NXN: variants seen among roughly 807,000 people sequenced by gnomAD.
The protein encoded by NXN is nucleoredoxin 1.
In NXN, 16 loss-of-function variants were observed where a neutral mutation model predicts 48.6. That is an observed-to-expected ratio of 0.33 (90% confidence interval 0.22 to 0.50). NXN has a LOEUF of 0.50. Among genes scored for constraint, NXN ranks in the 20% least tolerant of loss-of-function variants. NXN has a pLI of 0.98. For missense variants in NXN, 492 were observed against 605.5 expected, an observed-to-expected ratio of 0.81 and a Z score of 1.97; for synonymous variants, 281 against 269.6, an observed-to-expected ratio of 1.04 and a Z score of -0.41.
intron 1 of NXN, among the ~76,000 whole-genome samples, chr17:866,604 G>A (rs2068098076): frequency 6.6e-6 from 1 of 152,102 alleles, no homozygotes; most frequent in Non-Finnish European, 1.5e-5. Flanking sequence ...GAGAGGATAG[G>A]TGAGGAGTTG....
rs557700373 is a variant in NXN, at chr17:950,828, C to T, written c.360+28491G>A. Reference sequence around the variant, plus strand: ...CAGGGGAAAGAGTCGGACGAAATGGCGAAGTGTTTGGCACAAAGAAGACCA... The same window carrying T: ...CAGGGGAAAGAGTCGGACGAAATGGTGAAGTGTTTGGCACAAAGAAGACCA... On this transcript the variant is annotated intron_variant, in intron 1 of 7. Transcript: ENST00000336868. Among the ~76,000 whole-genome samples the T allele has an allele frequency of 1.1e-4, 17 of 151,742 alleles. No individual in the cohort carries two copies. The South Asian group carries it at 2.1e-3, about 19-fold the overall frequency.
intron 1 of NXN, among the ~76,000 whole-genome samples, chr17:843,044 GA>G (rs1293774432): frequency 1.1e-3 from 149 of 134,940 alleles, no homozygotes; most frequent in East Asian, 6.5e-3. Context: ...AAGAAAGAAA[GA>G]AAGAAAGAAA....
At chr17:857,593 ATTTG>A (rs2067999421) in intron 1 of NXN, among the ~76,000 whole-genome samples, 2 of 152,276 alleles carry the variant, frequency 1.3e-5, no homozygotes, top group African/African-American at 2.4e-5. Context: ...GAAGTTAAGG[ATTTG>A]TTTAAGACAT....
At chr17:857,183 G>A (rs978495096) in intron 1 of NXN, among the ~76,000 whole-genome samples, 2 of 152,158 alleles carry the variant, frequency 1.3e-5, no homozygotes, top group Non-Finnish European at 2.9e-5. Flanking sequence ...GTCTGGTGAG[G>A]GCATGATCCT....
chr17:884,922 A>G (rs1202915904), intron 1 of NXN, among the ~76,000 whole-genome samples: 1 of 152,186 alleles, frequency 6.6e-6, no homozygotes. Context: ...GCTTTCCCCC[A>G]AAACAAACAC....
At chr17:803,618 A>G in intron 7 of NXN, 64 bp downstream of exon 7, 1 of 1,606,880 alleles carries the variant, frequency 6.2e-7, no homozygotes, top group Non-Finnish European at 8.5e-7. Context: ...TGGGGCCAGG[A>G]TCAGTCCTGT....
At chr17:975,002 T>G (rs2069441759) in intron 1 of NXN, among the ~76,000 whole-genome samples, 1 of 151,984 alleles carries the variant, frequency 6.6e-6, no homozygotes, top group African/African-American at 2.4e-5. Flanking sequence ...AATTGTTATT[T>G]TTTGCAAAGA....
rs1913399116 is a variant in NXN at position 830,541 on chromosome 17, T to G, written c.361-4463A>C. On this transcript the variant is annotated intron_variant, in intron 1 of 7. Transcript: ENST00000336868. This position sits in a 1 kb window ranked among gnomAD's most constrained non-coding sequence, Gnocchi z 4.2. ...AGGCCACCTGAGGCCCAAGAGCCCG[T>G]GTGGAGGCTGACTGCGAAAGTCTGA... 6.6e-6 allele frequency among the ~76,000 whole-genome samples: 1 copy of G among 151,942 alleles called. No individual in the cohort carries two copies. Among genetic ancestry groups the G allele is most frequent in the Admixed American group, 6.6e-5 (1 of 15,258 alleles).
At chr17:906,305 G>T (rs368953322) in intron 1 of NXN, among the ~76,000 whole-genome samples, 87 of 151,916 alleles carry the variant, frequency 5.7e-4, no homozygotes, top group African/African-American at 2.0e-3. Context: ...TCTAAACTGT[G>T]TATTTTTGAA....
intron 1 of NXN, among the ~76,000 whole-genome samples, chr17:954,318 T>C (rs533735425): frequency 1.3e-5 from 2 of 152,008 alleles, no homozygotes; most frequent in Admixed American, 6.5e-5. Context: ...AAGGTGGAGG[T>C]TGCAGTGAGC....
chr17:822,257 A>G, intron 4 of NXN, 100 bp downstream of exon 4: 1 of 803,794 alleles, frequency 1.2e-6, no homozygotes, highest in Non-Finnish European at 2.0e-6. Flanking sequence ...CCAGCCTGGG[A>G]GACAAGAGCA....
intron 1 of NXN, among the ~76,000 whole-genome samples, chr17:965,963 A>C (rs992705403): frequency 1.3e-5 from 2 of 151,378 alleles, no homozygotes; most frequent in African/African-American, 4.9e-5. Flanking sequence ...AAAAATACAA[A>C]CAATTAGCTG....
At chr17:903,275 G>T (rs986654631) in intron 1 of NXN, among the ~76,000 whole-genome samples, 6 of 150,252 alleles carry the variant, frequency 4.0e-5, no homozygotes, top group Non-Finnish European at 7.4e-5. Flanking sequence ...GTGCCATCTT[G>T]GCTCACTGCA....
Position 826,028 on chromosome 17 carries a change from G to T in NXN, c.411C>A (p.Phe137Leu). ...YRISNIPSLI[F>L]LDATTGKVVC... ...CAACCTTCCCAGTGGTGGCGTCGAGGAATATTAGTGATGGAATGTTGGAAA... is the reference window on the plus strand; with the variant it reads ...CAACCTTCCCAGTGGTGGCGTCGAGTAATATTAGTGATGGAATGTTGGAAA... Residue 137 changes from phenylalanine to leucine, a missense_variant, in exon 2 of 8, where the codon TTC (phenylalanine) becomes TTA (leucine). Physicochemically the swap from Phe to Leu is conservative, Grantham distance 22 (BLOSUM62 0). This residue lies in a region of NXN where 186 missense variants were observed against 199.1 expected (regional missense o/e 0.93). Coordinates refer to ENST00000336868, the MANE Select transcript of NXN (RefSeq NM_022463.5). 1 of 1,614,066 alleles carries T rather than the reference G, an allele frequency of 6.2e-7. No homozygotes were observed. The highest frequency in any genetic ancestry group is 8.5e-7 in the Non-Finnish European group (1 of 1,179,956).
intron 1 of NXN, among the ~76,000 whole-genome samples, chr17:842,980 GAGAGAAAGAGAGAAAGAGAGAA>G: frequency 9.1e-6 from 1 of 110,482 alleles, no homozygotes; most frequent in African/African-American, 3.6e-5. Flanking sequence ...AAGAGAGAAA[GAGAGAAAGAGAGAAAGAGAGAA>G]AGAGAGAAAG....
At chr17:846,419 AAAAAAAAAAAAAG>A (rs1472660393) in intron 1 of NXN, among the ~76,000 whole-genome samples, 1 of 149,028 alleles carries the variant, frequency 6.7e-6, no homozygotes, top group African/African-American at 2.5e-5. Context: ...GTCTCAAAAA[AAAAAAAAAAAAAG>A]AAAAGAAAAA....
chr17:808,504 A>C (rs948680259), intron 5 of NXN, among the ~76,000 whole-genome samples: 9 of 152,022 alleles, frequency 5.9e-5, no homozygotes, highest in Non-Finnish European at 1.3e-4. Flanking sequence ...CATGTTGGCC[A>C]GGATGGTCTC....
At chr17:833,011 C>T (rs1913577080) in intron 1 of NXN, among the ~76,000 whole-genome samples, 2 of 152,098 alleles carry the variant, frequency 1.3e-5, no homozygotes, top group Admixed American at 6.6e-5. Context: ...CTGCCTCAGC[C>T]TCCCGAGTAG....
chr17:870,753 T>A (rs1279392568), intron 1 of NXN, among the ~76,000 whole-genome samples: 2 of 147,142 alleles, frequency 1.4e-5, no homozygotes, highest in East Asian at 3.9e-4. Context: ...AGACTCTGTC[T>A]GGAAAAAAAA....
Sources: gnomAD v4.1 joint callset for allele counts (sites outside exome capture counted in the v4.1 genomes callset) on GRCh38, gnomAD v4.1.1 for gene constraint, gnomAD v4.1.1 regional missense constraint, Gnocchi (gnomAD v3.1) non-coding constraint, MANE v1.5 for transcripts, NCBI Gene and HGNC (gene_info 2026-07-23, HGNC 2026-07-21) for gene names.